SAMD12: variants seen among roughly 807,000 people sequenced by gnomAD.
SAMD12 encodes sterile alpha motif domain-containing protein 12.
SAMD12 carries 9 observed loss-of-function variants against 15.0 expected under a neutral mutation model. The ratio of observed to expected loss-of-function variants is 0.60; its 90% CI spans 0.36 to 1.05. SAMD12 has a LOEUF of 1.05. Among genes scored for constraint, SAMD12 ranks in the 50% least tolerant of loss-of-function variants. SAMD12 has a pLI of 0.01. For synonymous variants in SAMD12, 86 were observed against 90.1 expected, an observed-to-expected ratio of 0.96 and a Z score of 0.25; for missense variants, 230 against 234.2, an observed-to-expected ratio of 0.98 and a Z score of 0.12.
intron 2 of SAMD12, among the ~76,000 whole-genome samples, chr8:118,570,408 T>C (rs746710655): frequency 2.0e-5 from 3 of 152,162 alleles, no homozygotes; most frequent in African/African-American, 4.8e-5. Flanking sequence ...CCCTTCTATA[T>C]ATCCATGTGT....
intron 4 of SAMD12, among the ~76,000 whole-genome samples, chr8:118,254,088 C>A (rs1334294580): frequency 1.3e-5 from 2 of 152,120 alleles, no homozygotes; most frequent in African/African-American, 4.8e-5. Flanking sequence ...CTCCTTCAAG[C>A]AAAGCAGATT....
At chr8:118,589,242 G>A (rs1827521362) in intron 1 of SAMD12, among the ~76,000 whole-genome samples, 2 of 152,192 alleles carry the variant, frequency 1.3e-5, no homozygotes, top group Admixed American at 1.3e-4. Context: ...GCCTGACAAT[G>A]ATGATGTGGC....
the SAMD12 span, among the ~76,000 whole-genome samples, chr8:118,167,640 C>A: frequency 1.3e-5 from 2 of 152,130 alleles, no homozygotes; most frequent in Non-Finnish European, 2.9e-5. Flanking sequence ...GGGAGCAATA[C>A]AATGAGATTA....
intron 3 of SAMD12, among the ~76,000 whole-genome samples, chr8:118,426,589 A>C (rs13260753): frequency 0.64 from 97,276 of 151,622 alleles, 31,421 homozygotes; most frequent in Admixed American, 0.7. Context: ...CCTTCTAGTT[A>C]TGATTTATGA....
At chr8:118,406,337 G>A (rs141729623) in intron 3 of SAMD12, among the ~76,000 whole-genome samples, 1,949 of 151,918 alleles carry the variant, frequency 0.013, 18 homozygotes, top group Non-Finnish European at 0.022. Flanking sequence ...GCAGTGGTGC[G>A]ATCTCGCCTC....
chr8:118,278,685 C>G (rs975021410), intron 4 of SAMD12, among the ~76,000 whole-genome samples: 1 of 152,322 alleles, frequency 6.6e-6, no homozygotes, highest in Non-Finnish European at 1.5e-5. Flanking sequence ...AGCCCACTCT[C>G]AAGCCATATG....
chr8:118,275,394 C>T (rs1813448681), intron 4 of SAMD12, among the ~76,000 whole-genome samples: 1 of 152,094 alleles, frequency 6.6e-6, no homozygotes, highest in Non-Finnish European at 1.5e-5. Flanking sequence ...TATTTTCTTA[C>T]ACTGCTTGTG....
intron 4 of SAMD12, among the ~76,000 whole-genome samples, chr8:118,356,607 G>A (rs768424601): frequency 6.6e-6 from 1 of 152,112 alleles, no homozygotes; most frequent in South Asian, 2.1e-4. Flanking sequence ...TCGAGTGACC[G>A]CACCACTCCG....
exon 5 of SAMD12, chr8:118,190,296 G>A (rs1228876803): frequency 6.6e-6 from 1 of 152,038 alleles, no homozygotes; most frequent in Admixed American, 6.6e-5. Context: ...ACACCAATTT[G>A]CAGTAGTTCA....
At chr8:118,176,907 T>C in the SAMD12 span, among the ~76,000 whole-genome samples, 1 of 152,248 alleles carries the variant, frequency 6.6e-6, no homozygotes, top group African/African-American at 2.4e-5. Flanking sequence ...ATAGCTGTTT[T>C]TGTTACTGTC....
intron 3 of SAMD12, among the ~76,000 whole-genome samples, chr8:118,416,023 A>G (rs966574150): frequency 1.3e-5 from 2 of 151,972 alleles, no homozygotes; most frequent in Admixed American, 6.6e-5. Flanking sequence ...GTTTGGAGAC[A>G]TTTCTCACAG....
At chr8:118,323,957 T>C (rs766231893) in intron 4 of SAMD12, among the ~76,000 whole-genome samples, 33 of 152,268 alleles carry the variant, frequency 2.2e-4, no homozygotes, top group Non-Finnish European at 4.1e-4. Flanking sequence ...AAGAAGATTA[T>C]TGTTTTCTTT....
At chr8:118,337,025 G>A (rs946722279) in intron 4 of SAMD12, among the ~76,000 whole-genome samples, 7 of 152,112 alleles carry the variant, frequency 4.6e-5, no homozygotes, top group East Asian at 3.9e-4. Flanking sequence ...ATGGGAGAAG[G>A]GGGGAGGGAT....
At chr8:118,473,796 C>T (rs1379825646) in intron 2 of SAMD12, among the ~76,000 whole-genome samples, 1 of 152,130 alleles carries the variant, frequency 6.6e-6, no homozygotes, top group Non-Finnish European at 1.5e-5. Context: ...GTGCAGCTGA[C>T]ATGGCACACT....
intron 2 of SAMD12, among the ~76,000 whole-genome samples, chr8:118,516,478 G>C (rs1825247803): frequency 6.6e-6 from 1 of 152,120 alleles, no homozygotes; most frequent in East Asian, 1.9e-4. Context: ...TTGCTATCCT[G>C]GGTACAGCAG....
chr8:118,277,128 A>G (rs1211625500), intron 4 of SAMD12, among the ~76,000 whole-genome samples: 1 of 151,864 alleles, frequency 6.6e-6, no homozygotes, highest in Non-Finnish European at 1.5e-5. Context: ...CACCTATTAT[A>G]TTTCACCCTT....
At chr8:118,207,002 A>G (rs1819879475) in intron 4 of SAMD12, among the ~76,000 whole-genome samples, 1 of 152,276 alleles carries the variant, frequency 6.6e-6, no homozygotes, top group Non-Finnish European at 1.5e-5. Context: ...GTATGTATGA[A>G]GAAAGCCACA....
intron 3 of SAMD12, among the ~76,000 whole-genome samples, chr8:118,390,238 G>A (rs1243317780): frequency 6.6e-6 from 1 of 152,080 alleles, no homozygotes; most frequent in Non-Finnish European, 1.5e-5. Flanking sequence ...TTGATCTCCT[G>A]ACCTCGTAAG....
intron 2 of SAMD12, among the ~76,000 whole-genome samples, chr8:118,447,120 A>C (rs1237665848): frequency 6.6e-6 from 1 of 151,952 alleles, no homozygotes; most frequent in Non-Finnish European, 1.5e-5. Context: ...TCCACATATA[A>C]TCTATTAGGG....
Sources: gnomAD v4.1 joint callset for allele counts (sites outside exome capture counted in the v4.1 genomes callset) on GRCh38, gnomAD v4.1.1 for gene constraint, MANE v1.5 for transcripts, NCBI Gene and HGNC (gene_info 2026-07-23, HGNC 2026-07-21) for gene names.